The following ZBTB8OS variants were observed in gnomAD, a reference collection of about 807,000 sequenced individuals.
ZBTB8OS encodes the protein tRNA splicing ligase complex subunit 1, also known as tRNA-splicing ligase-activating factor archease.
A neutral mutation model predicts 29.3 loss-of-function variants in ZBTB8OS; 16 were observed. The observed-to-expected ratio is 0.55, with a 90% CI of 0.37 to 0.83. ZBTB8OS has a LOEUF of 0.83. Ranked by LOEUF, ZBTB8OS falls within the 40% of genes least tolerant of loss-of-function variation. The probability of loss-of-function intolerance (pLI) is 0.00; values close to 1 mark genes in which losing one functional copy is unlikely to be tolerated. For missense variants in ZBTB8OS, 160 were observed against 196.9 expected (o/e 0.81, Z 1.12); for synonymous variants, 70 against 64.6 (o/e 1.08, Z -0.40).
At chr1:32,643,528 G>C (rs1570701271) in intron 1 of ZBTB8OS, among the ~76,000 whole-genome samples, 1 of 150,736 alleles carries the variant, frequency 6.6e-6, no homozygotes, top group African/African-American at 2.4e-5. Flanking sequence ...AGGTAGCTGG[G>C]ACTGTGGCCC....
intron 4 of ZBTB8OS, among the ~76,000 whole-genome samples, chr1:32,633,010 T>TTATAAAA (rs1396133265): frequency 1.3e-5 from 2 of 151,992 alleles, no homozygotes; most frequent in Non-Finnish European, 2.9e-5. Context: ...AAGCAGAGAG[T>TTATAAAA]GCCATCTCTA....
intron 1 of ZBTB8OS, among the ~76,000 whole-genome samples, chr1:32,635,787 C>T (rs374800904): frequency 2.6e-5 from 4 of 152,094 alleles, no homozygotes; most frequent in African/African-American, 7.2e-5. Flanking sequence ...CTGGTGGGCC[C>T]AACTAACTTT....
intron 6 of ZBTB8OS, among the ~76,000 whole-genome samples, 156 bp from the exon 7 acceptor site, chr1:32,622,104 A>G (rs1321166544): frequency 6.6e-6 from 1 of 152,240 alleles, no homozygotes; most frequent in Non-Finnish European, 1.5e-5. Flanking sequence ...TTAGGAGAAT[A>G]TACAGGGATC....
chr1:32,647,654 T>C (rs1466639248), intron 1 of ZBTB8OS, among the ~76,000 whole-genome samples: 3 of 152,096 alleles, frequency 2.0e-5, no homozygotes, highest in Admixed American at 1.3e-4. Flanking sequence ...TCATAGGAGC[T>C]TGAACACTAT....
Position 32,632,107 on chromosome 1 carries a change from T to TTCTCCTGTCTCAACCTGCTGAGCA in ZBTB8OS, c.328-252_328-229dup, listed in dbSNP as rs538419886. The stretch of plus-strand genomic sequence containing the variant: ...ACCTCCACCTCCCAGGTTCAAGCAA[T>TTCTCCTGTCTCAACCTGCTGAGCA]TCTCCTGTCTCAACCTGCTGAGCAT... On this transcript the variant is annotated intron_variant, in intron 4 of 6. Coordinates refer to ENST00000468695, the MANE Select transcript of ZBTB8OS (RefSeq NM_178547.5). 3.0e-4 allele frequency: 71 copies of TTCTCCTGTCTCAACCTGCTGAGCA among 233,844 alleles called. No homozygotes were observed. In the East Asian group the frequency reaches 8.2e-3, roughly 27 times the overall value. The allele number at this position is 233,844 out of a possible 1,614,324, so 14.5% of individuals were successfully genotyped here. A position where few individuals can be genotyped will look rare whatever the true frequency, so the allele number is the denominator to read the frequency against.
intron 5 of ZBTB8OS, chr1:32,627,793 TC>T (rs1187530862): frequency 2.9e-5 from 14 of 484,690 alleles, no homozygotes; most frequent in Non-Finnish European, 4.8e-5. Flanking sequence ...TCCTGGCACT[TC>T]CGGAGGCCAA....
At chr1:32,649,668 ATTTT>A (rs1156427480) in intron 1 of ZBTB8OS, among the ~76,000 whole-genome samples, 5 of 31,130 alleles carry the variant, frequency 1.6e-4, no homozygotes, top group Non-Finnish European at 2.6e-4. Flanking sequence ...ACACACACAC[ATTTT>A]TTTTTTTTTT....
intron 1 of ZBTB8OS, among the ~76,000 whole-genome samples, chr1:32,642,439 G>A (rs1323921433): frequency 3.3e-5 from 5 of 151,714 alleles, no homozygotes; most frequent in Non-Finnish European, 7.4e-5. Context: ...AGGAGACAGA[G>A]GTTGCAGTGA....
At chr1:32,634,157 G>A (rs767114872) in intron 2 of ZBTB8OS, 85 bp from the exon 3 acceptor site, 1 of 1,242,262 alleles carries the variant, frequency 8.0e-7, no homozygotes, top group Non-Finnish European at 1.1e-6. Context: ...AATAAATTCA[G>A]TATGATAAAT....
At chr1:32,638,901 G>A (rs1408840372) in intron 1 of ZBTB8OS, among the ~76,000 whole-genome samples, 1 of 151,836 alleles carries the variant, frequency 6.6e-6, no homozygotes, top group Non-Finnish European at 1.5e-5. Context: ...GTGACAGAGT[G>A]AGACTCCATC....
intron 1 of ZBTB8OS, among the ~76,000 whole-genome samples, chr1:32,647,635 A>T (rs959082070): frequency 9.9e-5 from 15 of 152,124 alleles, no homozygotes; most frequent in Non-Finnish European, 7.4e-5. Flanking sequence ...CAGGCACAGC[A>T]TTAGATTCTC....
At chr1:32,645,942 A>C (rs1646794775) in intron 1 of ZBTB8OS, among the ~76,000 whole-genome samples, 1 of 152,234 alleles carries the variant, frequency 6.6e-6, no homozygotes, top group African/African-American at 2.4e-5. Flanking sequence ...GAGAACTATT[A>C]TACTACTTAT....
chr1:32,623,994 G>A (rs1644925523), intron 6 of ZBTB8OS, among the ~76,000 whole-genome samples: 1 of 152,108 alleles, frequency 6.6e-6, no homozygotes, highest in Non-Finnish European at 1.5e-5. Context: ...GAGTTTTCAG[G>A]AGATCTGATG....
intron 1 of ZBTB8OS, among the ~76,000 whole-genome samples, chr1:32,645,964 C>G (rs1225174782): frequency 6.6e-6 from 1 of 152,164 alleles, no homozygotes; most frequent in East Asian, 1.9e-4. Flanking sequence ...CAAGTGTACT[C>G]AGTTTCTGAA....
chr1:32,633,395 G>T lies in ZBTB8OS; in HGVS notation c.327+250C>A. 7.9e-6 allele frequency: 3 copies of T among 380,726 alleles called. No homozygotes were observed. In the South Asian group the frequency reaches 1.5e-4, roughly 19 times the overall value. 23.6% of individuals were successfully genotyped at this position (380,726 alleles called of 1,614,324 possible). A position where few individuals can be genotyped will look rare whatever the true frequency, so the allele number is the denominator to read the frequency against. On this transcript the variant is annotated intron_variant, in intron 4 of 6. Transcript: ENST00000468695. ...ACAGAAAAAAATGTGGATGAAAACT[G>T]TAGGTACATTTTTATCACACAATCC...
At position 32,646,918 on chromosome 1, in the gene ZBTB8OS, T is replaced by C. The variant is rs190817270; in HGVS notation, c.97+3515A>G. Reference sequence around the variant, plus strand: ...TTAGCCGGGTGTGGTGGTGGGCACCTGTAATCCCAGCCATACGGAAGGCTG... The same window carrying C: ...TTAGCCGGGTGTGGTGGTGGGCACCCGTAATCCCAGCCATACGGAAGGCTG... On this transcript the variant is annotated intron_variant, in intron 1 of 6. Transcript: ENST00000468695. Among the ~76,000 whole-genome samples, 245 of 149,544 alleles carry C rather than the reference T, an allele frequency of 1.6e-3. 3 individuals are homozygous for C. The East Asian group carries it at 0.035, about 21-fold the overall frequency.
At chr1:32,626,164 C>T (rs980474815) in intron 6 of ZBTB8OS, among the ~76,000 whole-genome samples, 7 of 152,178 alleles carry the variant, frequency 4.6e-5, no homozygotes, top group Non-Finnish European at 7.3e-5. Context: ...TGAACCACCA[C>T]GCCGGGCCTA....
chr1:32,634,597 G>A (rs555126926), intron 2 of ZBTB8OS, 171 bp downstream of exon 2: 119 of 737,326 alleles, frequency 1.6e-4, no homozygotes, highest in South Asian at 5.3e-4. Context: ...GTGCAATCTC[G>A]GCTCACTGAG....
Position 32,621,775 on chromosome 1 carries a change from G to A in ZBTB8OS, c.*87C>T. On this transcript the variant is annotated 3_prime_UTR_variant, in exon 7 of 7. Coordinates refer to ENST00000468695, the MANE Select transcript of ZBTB8OS (RefSeq NM_178547.5). Reference sequence around the variant, plus strand: ...ACAAATTTCCATATATCAAAAAAAAGCTGTAGAATTTAATTCATAGTGTCT... The same window carrying A: ...ACAAATTTCCATATATCAAAAAAAAACTGTAGAATTTAATTCATAGTGTCT... The A allele has an allele frequency of 2.2e-6, 2 of 926,518 alleles. No individual in the cohort carries two copies. Among genetic ancestry groups the A allele is most frequent in the African/African-American group, 1.7e-5 (1 of 58,946 alleles). 57.4% of individuals were successfully genotyped at this position (926,518 alleles called of 1,614,324 possible).
Sources: allele counts gnomAD v4.1 joint callset (sites outside exome capture counted in the v4.1 genomes callset), GRCh38; gene constraint gnomAD v4.1.1; transcripts MANE v1.5; gene names NCBI Gene and HGNC (gene_info 2026-07-23, HGNC 2026-07-21).